The following HHAT variants were observed in gnomAD, a reference collection of about 807,000 sequenced individuals.
The protein encoded by HHAT is protein-cysteine N-palmitoyltransferase HHAT.
A neutral mutation model predicts 70.8 loss-of-function variants in HHAT; 47 were observed. That is an observed-to-expected ratio of 0.66 (90% CI 0.53 to 0.85). HHAT has a LOEUF of 0.85. Ranked by LOEUF, HHAT falls within the 40% of genes least tolerant of loss-of-function variation. HHAT has a pLI of 0.00. For synonymous variants in HHAT, 228 were observed against 247.6 expected (o/e 0.92, Z 0.74); for missense variants, 609 against 604.8 (o/e 1.01, Z -0.07).
intron 8 of HHAT, 119 bp from the exon 9 acceptor site, chr1:210,513,034 C>T: frequency 6.3e-6 from 4 of 632,824 alleles, no homozygotes; most frequent in South Asian, 1.9e-5. Flanking sequence ...TTGAGAACTA[C>T]TGTGGTAGAG....
At chr1:210,464,100 G>A (rs2094041997) in intron 7 of HHAT, among the ~76,000 whole-genome samples, 1 of 151,364 alleles carries the variant, frequency 6.6e-6, no homozygotes, top group African/African-American at 2.4e-5. Context: ...TTTAATTATT[G>A]ACTAAAGTTA....
At chr1:210,660,452 A>G (rs1400469847) in intron 11 of HHAT, among the ~76,000 whole-genome samples, 1 of 152,212 alleles carries the variant, frequency 6.6e-6, no homozygotes, top group Non-Finnish European at 1.5e-5. Context: ...ATGCTCATGG[A>G]TAGGAAGAAT....
chr1:210,599,423 A>G (rs1280669822), intron 10 of HHAT, among the ~76,000 whole-genome samples: 2 of 152,090 alleles, frequency 1.3e-5, no homozygotes, highest in Non-Finnish European at 2.9e-5. Flanking sequence ...GAAATCTACC[A>G]GGTTTCTCAG....
intron 4 of HHAT, among the ~76,000 whole-genome samples, chr1:210,394,781 A>G (rs572708093): frequency 1.1e-4 from 17 of 152,300 alleles, no homozygotes; most frequent in African/African-American, 4.1e-4. Context: ...GTTCTTTTCC[A>G]GGACAGTCCC....
Position 210,492,527 on chromosome 1 carries a change from G to A in HHAT, c.1008-20626G>A, listed in dbSNP as rs141251065. Among the ~76,000 whole-genome samples, 741 of 152,274 alleles carry A rather than the reference G, an allele frequency of 4.9e-3. 5 individuals carry two copies. The highest frequency in any genetic ancestry group is 0.014 in the Middle Eastern group (4 of 294). On this transcript the variant is annotated intron_variant, in intron 8 of 11. Coordinates refer to ENST00000261458, the MANE Select transcript of HHAT (RefSeq NM_018194.6). ...AGAATGTGTCTAACGTGGTTGTAATGGTTAGGGGTTTGGAAACCTATTTGA... is the reference window on the plus strand; with the variant it reads ...AGAATGTGTCTAACGTGGTTGTAATAGTTAGGGGTTTGGAAACCTATTTGA...
intron 7 of HHAT, chr1:210,462,825 G>A (rs190808563): frequency 6.6e-6 from 1 of 152,348 alleles, no homozygotes; most frequent in Non-Finnish European, 1.5e-5. Flanking sequence ...CTCGATAATG[G>A]TGACATTCTT....
chr1:210,571,781 A>G (rs549620382), intron 9 of HHAT, among the ~76,000 whole-genome samples: 1 of 152,206 alleles, frequency 6.6e-6, no homozygotes. Flanking sequence ...TACAGCTGAC[A>G]TCTTTGGATT....
chr1:210,509,761 G>A (rs1014607532), intron 8 of HHAT, among the ~76,000 whole-genome samples: 15 of 151,958 alleles, frequency 9.9e-5, no homozygotes, highest in South Asian at 2.1e-4. Context: ...CACTAACCTC[G>A]CCTGCCTTTC....
chr1:210,578,252 C>G (rs753820441), intron 9 of HHAT, among the ~76,000 whole-genome samples: 4 of 152,100 alleles, frequency 2.6e-5, no homozygotes, highest in Non-Finnish European at 5.9e-5. Flanking sequence ...CTCAATATCA[C>G]CAGTCATCAT....
chr1:210,666,624 C>A (rs1449137512), intron 11 of HHAT, among the ~76,000 whole-genome samples: 1 of 152,156 alleles, frequency 6.6e-6, no homozygotes, highest in Non-Finnish European at 1.5e-5. Flanking sequence ...GCTATGATCA[C>A]AGGTGCACGC....
chr1:210,403,002 TAATA>T (rs1337323992), intron 5 of HHAT, among the ~76,000 whole-genome samples: 1 of 152,248 alleles, frequency 6.6e-6, no homozygotes, highest in Non-Finnish European at 1.5e-5. Context: ...AAAACAGAAG[TAATA>T]AATCCTCTTC....
At position 210,458,170 on chromosome 1, in the gene HHAT, ACT is replaced by A. The variant is rs1354999460; in HGVS notation, c.857-6332_857-6331del. The stretch of plus-strand genomic sequence containing the variant: ...GGGTTAAAGTCCCAAGTGTGGATTG[ACT>A]CTGAGGCTTGTGAAGGTCACTTAAT... On this transcript the variant is annotated intron_variant, in intron 7 of 11. Transcript: ENST00000261458. Among the ~76,000 whole-genome samples, 7 of 152,118 alleles carry A rather than the reference ACT, an allele frequency of 4.6e-5. 1 individual carries two copies. The highest frequency in any genetic ancestry group is 8.8e-5 in the Non-Finnish European group (6 of 68,010).
chr1:210,648,111 G>A (rs893386333), intron 11 of HHAT, among the ~76,000 whole-genome samples: 1 of 152,106 alleles, frequency 6.6e-6, no homozygotes, highest in African/African-American at 2.4e-5. Flanking sequence ...CCCAACCACT[G>A]GTCTGACCCT....
intron 9 of HHAT, among the ~76,000 whole-genome samples, 161 bp from the exon 10 acceptor site, chr1:210,587,737 A>G (rs924207491): frequency 6.6e-6 from 1 of 152,056 alleles, no homozygotes; most frequent in Non-Finnish European, 1.5e-5. Flanking sequence ...GTTTTCGCCA[A>G]CTCCTTGTGG....
At chr1:210,655,875 A>G (rs1676292776) in intron 11 of HHAT, among the ~76,000 whole-genome samples, 2 of 152,026 alleles carry the variant, frequency 1.3e-5, no homozygotes. Context: ...GGGGGGAGGT[A>G]AGGATGATTT....
At chr1:210,383,429 A>G (rs1053995557) in intron 3 of HHAT, among the ~76,000 whole-genome samples, 3 of 151,364 alleles carry the variant, frequency 2.0e-5, no homozygotes, top group Non-Finnish European at 4.4e-5. Flanking sequence ...AAAGTAAAAT[A>G]TGGAGACAGT....
At position 210,615,773 on chromosome 1, in the gene HHAT, T is replaced by C. The variant is rs187788363; in HGVS notation, c.1246-7753T>C. Among the ~76,000 whole-genome samples the C allele has an allele frequency of 1.3e-3, 196 of 152,358 alleles. 1 individual carries two copies. Among genetic ancestry groups the C allele is most frequent in the African/African-American group, 3.9e-3 (164 of 41,590 alleles). ...AGCGAATATTGCTGAACAGCAAATG[T>C]TGCTGCCTGATCGTTCCTCTGGAGG... On this transcript the variant is annotated intron_variant, in intron 10 of 11. Transcript: ENST00000261458.
chr1:210,585,483 G>C (rs554714401), intron 9 of HHAT, among the ~76,000 whole-genome samples: 1 of 152,106 alleles, frequency 6.6e-6, no homozygotes, highest in Non-Finnish European at 1.5e-5. Flanking sequence ...CATGTTTTCA[G>C]CTCACTGCAA....
intron 1 of HHAT, among the ~76,000 whole-genome samples, chr1:210,335,643 T>C (rs2085416350): frequency 6.6e-6 from 1 of 152,224 alleles, no homozygotes; most frequent in African/African-American, 2.4e-5. Context: ...TTTTGATTTA[T>C]GACAGAGGCA....
Sources: allele counts gnomAD v4.1 joint callset (sites outside exome capture counted in the v4.1 genomes callset), GRCh38; gene constraint gnomAD v4.1.1; transcripts MANE v1.5; gene names NCBI Gene and HGNC (gene_info 2026-07-23, HGNC 2026-07-21).